Variants in PALLD observed in about 807,000 individuals in gnomAD.
The protein encoded by PALLD is palladin.
Under a neutral mutation model 123.5 loss-of-function variants are expected in PALLD, and 61 were observed. That is an observed-to-expected ratio of 0.49 (90% CI 0.40 to 0.61). PALLD has a LOEUF of 0.61. Among genes scored for constraint, PALLD ranks in the 20% least tolerant of loss-of-function variants. The pLI is 0.00. For missense variants in PALLD, 1,273 were observed against 1,377.0 expected, an observed-to-expected ratio of 0.92 and a Z score of 1.20; for synonymous variants, 465 against 496.4, an observed-to-expected ratio of 0.94 and a Z score of 0.84.
intron 11 of PALLD, 80 bp downstream of exon 11, chr4:168,891,137 T>C: frequency 2.2e-6 from 3 of 1,373,936 alleles, no homozygotes; most frequent in Non-Finnish European, 3.1e-6. Context: ...CTTAGGTTCT[T>C]GATATTTGTC....
chr4:168,556,594 C>A (rs1331917403), intron 2 of PALLD, among the ~76,000 whole-genome samples: 2 of 152,170 alleles, frequency 1.3e-5, no homozygotes, highest in African/African-American at 4.8e-5. Flanking sequence ...CTTTTAAAAG[C>A]TCAAACTATC....
At chr4:168,830,388 G>A (rs1744036241) in intron 10 of PALLD, among the ~76,000 whole-genome samples, 1 of 152,070 alleles carries the variant, frequency 6.6e-6, no homozygotes. Flanking sequence ...AAATTAGCTG[G>A]GTATGATGGC....
chr4:168,721,356 A>G (rs1281642106), intron 10 of PALLD, among the ~76,000 whole-genome samples: 1 of 152,208 alleles, frequency 6.6e-6, no homozygotes, highest in Non-Finnish European at 1.5e-5. Flanking sequence ...CAATATGCTC[A>G]TAGATAAAGC....
chr4:168,898,197 CTT>C, intron 13 of PALLD: 1 of 435,190 alleles, frequency 2.3e-6, no homozygotes, highest in Non-Finnish European at 4.3e-6. Flanking sequence ...TTGCTTTTGC[CTT>C]TTTCTTTCCT....
intron 2 of PALLD, among the ~76,000 whole-genome samples, chr4:168,609,478 C>T (rs1168149256): frequency 6.6e-6 from 1 of 151,986 alleles, no homozygotes; most frequent in Non-Finnish European, 1.5e-5. Flanking sequence ...GTGCATTGAT[C>T]CCTCAGTCCC....
chr4:168,734,628 A>G (rs1787544429), intron 10 of PALLD, among the ~76,000 whole-genome samples: 1 of 152,198 alleles, frequency 6.6e-6, no homozygotes, highest in African/African-American at 2.4e-5. Context: ...TACTATGGAT[A>G]AGCTGCTGTA....
rs754768430 is a variant in PALLD, at chr4:168,511,923, C to T, written c.419C>T (p.Ala140Val). 1 of 1,614,220 alleles carries T rather than the reference C, an allele frequency of 6.2e-7. No homozygotes were observed. The highest frequency in any genetic ancestry group is 1.1e-5 in the South Asian group (1 of 91,086). ...RPSYIRSLRK[A>V]EKRGAKTPST... ...AGCTACATCCGGAGCCTCCGAAAGGCTGAAAAGCGTGGTGCAAAAACTCCC... is the reference window on the plus strand; with the variant it reads ...AGCTACATCCGGAGCCTCCGAAAGGTTGAAAAGCGTGGTGCAAAAACTCCC... Residue 140 changes from alanine (A) to valine (V), a missense_variant, in exon 2 of 22, where the codon GCT becomes GTT. Around this residue, in one of 2 missense-constraint regions of PALLD, gnomAD observed 944 missense variants for 954.5 expected, o/e 0.99. Coordinates refer to ENST00000505667, the MANE Select transcript of PALLD (RefSeq NM_001166108.2).
intron 10 of PALLD, among the ~76,000 whole-genome samples, chr4:168,809,863 C>A (rs369392145): frequency 3.1e-3 from 415 of 132,440 alleles, no homozygotes; most frequent in Middle Eastern, 7.8e-3. Flanking sequence ...GACTCTGTCT[C>A]AAAAAAAAAA....
intron 10 of PALLD, among the ~76,000 whole-genome samples, chr4:168,886,498 A>G (rs1339847724): frequency 6.6e-6 from 1 of 152,070 alleles, no homozygotes; most frequent in Non-Finnish European, 1.5e-5. Flanking sequence ...AAATTTAGCC[A>G]GGCACAGTGG....
chr4:168,588,422 G>C (rs1471881134), intron 2 of PALLD, among the ~76,000 whole-genome samples: 1 of 146,156 alleles, frequency 6.8e-6, no homozygotes, highest in Non-Finnish European at 1.5e-5. Flanking sequence ...TTTTTTTTTT[G>C]AGACAGAGTC....
At chr4:168,715,904 A>C (rs1055887557) in intron 10 of PALLD, among the ~76,000 whole-genome samples, 10 of 150,090 alleles carry the variant, frequency 6.7e-5, no homozygotes, top group African/African-American at 7.5e-5. Flanking sequence ...GAGCCGAGAT[A>C]GCGCCACTGC....
intron 2 of PALLD, among the ~76,000 whole-genome samples, chr4:168,644,277 G>T (rs912340070): frequency 6.6e-6 from 1 of 151,616 alleles, no homozygotes; most frequent in African/African-American, 2.4e-5. Context: ...TAGTAGAGAT[G>T]GGGTTTCAAC....
At position 168,511,540 on chromosome 4, in the gene PALLD, C is replaced by A; in HGVS notation, c.36C>A (p.Asp12Glu). 1 of 1,614,018 alleles carries A rather than the reference C, an allele frequency of 6.2e-7. No individual in the cohort carries two copies. The highest frequency in any genetic ancestry group is 1.3e-5 in the African/African-American group (1 of 75,052). ...SGTSSHESFY[D>E]SLSDMQEESK... ...CCTCCTCCCATGAGTCCTTCTATGA[C>A]TCCCTCTCAGACATGCAGGAAGAAA... The change falls in exon 2 of 22, where the codon GAC becomes GAA. Residue 12 changes from aspartate to glutamate, a missense_variant. Around this residue, in one of 2 missense-constraint regions of PALLD, gnomAD observed 944 missense variants for 954.5 expected, o/e 0.99. Coordinates refer to ENST00000505667, the MANE Select transcript of PALLD (RefSeq NM_001166108.2).
At position 168,503,646 on chromosome 4, in the gene PALLD, C is replaced by CA. The variant is rs35693126; in HGVS notation, c.-83+6467dup. Among the ~76,000 whole-genome samples the CA allele has an allele frequency of 2.1e-3, 231 of 111,526 alleles. 2 individuals carry two copies. The highest frequency in any genetic ancestry group is 0.01 in the South Asian group (36 of 3,502). 73.2% of individuals were successfully genotyped at this position (111,526 alleles called of 152,430 possible). A position where few individuals can be genotyped will look rare whatever the true frequency, so the allele number is the denominator to read the frequency against. The stretch of plus-strand genomic sequence containing the variant: ...TGGGCAACAGAGCGAGACTCCATCT[C>CA]AAAAAAAAAAAAAAAGAAAAAGAAA... On this transcript the variant is annotated intron_variant, in intron 1 of 21. Transcript: ENST00000505667.
intron 2 of PALLD, among the ~76,000 whole-genome samples, chr4:168,640,480 G>T (rs1776831481): frequency 6.6e-6 from 1 of 152,128 alleles, no homozygotes; most frequent in South Asian, 2.1e-4. Flanking sequence ...CCATCTCCCA[G>T]TACACACAAG....
intron 10 of PALLD, among the ~76,000 whole-genome samples, chr4:168,764,216 G>A (rs538717973): frequency 6.6e-6 from 1 of 152,150 alleles, no homozygotes; most frequent in African/African-American, 2.4e-5. Context: ...ACGTATGAAT[G>A]AACAGAGGAG....
At chr4:168,788,314 A>C (rs1015717963) in intron 10 of PALLD, among the ~76,000 whole-genome samples, 35 of 152,140 alleles carry the variant, frequency 2.3e-4, no homozygotes, top group African/African-American at 8.4e-4. Context: ...TTGTGTTTAG[A>C]GGCAGCATTA....
intron 10 of PALLD, among the ~76,000 whole-genome samples, chr4:168,743,115 A>G (rs1251643623): frequency 6.6e-6 from 1 of 152,178 alleles, no homozygotes; most frequent in Non-Finnish European, 1.5e-5. Flanking sequence ...ACTCTCACGC[A>G]ATTACTCTCT....
At chr4:168,883,461 G>A (rs1422764020) in intron 10 of PALLD, among the ~76,000 whole-genome samples, 1 of 152,192 alleles carries the variant, frequency 6.6e-6, no homozygotes, top group Non-Finnish European at 1.5e-5. Flanking sequence ...AAGAGGACTT[G>A]TAATAGTTAA....
Sources: allele counts gnomAD v4.1 joint callset (sites outside exome capture counted in the v4.1 genomes callset), GRCh38; gene constraint gnomAD v4.1.1; regional missense constraint gnomAD v4.1.1; transcripts MANE v1.5; gene names NCBI Gene and HGNC (gene_info 2026-07-23, HGNC 2026-07-21).